Variants in TG observed in about 807,000 individuals in gnomAD.
The protein encoded by TG is thyroglobulin.
In TG, 270 loss-of-function variants were observed where a neutral mutation model predicts 324.7. The observed-to-expected ratio is 0.83, with a 90% CI of 0.75 to 0.92. The LOEUF (loss-of-function observed/expected upper bound fraction) is 0.92, where lower values mean the gene tolerates loss of function less well. Among genes scored for constraint, TG ranks in the 40% least tolerant of loss-of-function variants. The pLI is 0.00. For missense variants in TG, 3,591 were observed against 3,456.4 expected (o/e 1.04, Z -0.98); for synonymous variants, 1,401 against 1,327.0 (o/e 1.06, Z -1.21).
rs754301376 is a variant in TG at position 132,866,992 on chromosome 8, G to T, written c.-9G>T. The T allele has an allele frequency of 1.9e-6, 3 of 1,587,972 alleles. No individual in the cohort carries two copies. The African/African-American group carries it at 4.0e-5, about 21-fold the overall frequency. On this transcript the variant is annotated 5_prime_UTR_variant, in exon 1 of 48. Coordinates refer to ENST00000220616, the MANE Select transcript of TG (RefSeq NM_003235.5). ...TTTCTCCTCCTTCCTCCCAGGAAGGGCCAGGAAAATGGCCCTGGTCCTGGA... is the reference window on the plus strand; with the variant it reads ...TTTCTCCTCCTTCCTCCCAGGAAGGTCCAGGAAAATGGCCCTGGTCCTGGA...
Position 132,868,138 on chromosome 8 carries a change from C to T in TG, c.91C>T (p.Leu31Phe). Residue 31 changes from leucine to phenylalanine, a missense_variant, in exon 2 of 48, where the codon CTT becomes TTT. Leu to Phe is a conservative substitution (Grantham distance 22). Transcript: ENST00000220616. ...IFEYQVDAQP[L>F]RPCELQRETA... ...AGAGTACCAGGTGGATGCCCAGCCC[C>T]TTCGTCCCTGTGAGCTGCAGAGGGA... The T allele has an allele frequency of 6.2e-7, 1 of 1,614,188 alleles. No homozygotes were observed. The highest frequency in any genetic ancestry group is 1.6e-4 in the Middle Eastern group (1 of 6,062).
intron 27 of TG, among the ~76,000 whole-genome samples, chr8:132,954,709 G>A (rs1305673904): frequency 6.6e-6 from 1 of 152,162 alleles, no homozygotes; most frequent in Admixed American, 6.5e-5. Flanking sequence ...TGTTGCATAC[G>A]TCATTTCCAC....
At chr8:133,049,800 G>C in intron 41 of TG, 2 of 842,906 alleles carry the variant, frequency 2.4e-6, no homozygotes, top group Non-Finnish European at 4.1e-6. Flanking sequence ...TCTTGACCCA[G>C]TGCCTTCCTT....
intron 8 of TG, 93 bp downstream of exon 8, chr8:132,883,092 C>G (rs987333946): frequency 1.4e-6 from 2 of 1,423,708 alleles, no homozygotes; most frequent in Non-Finnish European, 9.6e-7. Context: ...ATTAATTCAA[C>G]TGCCTTCTAG....
chr8:132,869,420 CT>C (rs981168927), intron 2 of TG, among the ~76,000 whole-genome samples: 1 of 152,182 alleles, frequency 6.6e-6, no homozygotes, highest in African/African-American at 2.4e-5. Context: ...CTCATAATGC[CT>C]GAGGACACTT....
intron 11 of TG, among the ~76,000 whole-genome samples, chr8:132,896,572 C>T (rs752867033): frequency 4.6e-5 from 7 of 152,144 alleles, no homozygotes; most frequent in East Asian, 1.9e-4. Flanking sequence ...AGAGCTCAGG[C>T]GACAGTTCAT....
intron 44 of TG, among the ~76,000 whole-genome samples, chr8:133,114,103 C>T (rs1850495412): frequency 6.6e-6 from 1 of 152,156 alleles, no homozygotes; most frequent in Non-Finnish European, 1.5e-5. Context: ...TCAGCTGATT[C>T]CACCTTGCAG....
At chr8:132,967,742 C>A in intron 30 of TG, 52 bp from the exon 31 acceptor site, 1 of 1,599,168 alleles carries the variant, frequency 6.3e-7, no homozygotes, top group Non-Finnish European at 8.6e-7. Context: ...AGAGATTATT[C>A]TCCCCTGTAG....
chr8:133,021,941 G>A (rs747872083), intron 39 of TG, 50 bp from the exon 40 acceptor site: 5 of 1,612,632 alleles, frequency 3.1e-6, no homozygotes, highest in Non-Finnish European at 3.4e-6. Flanking sequence ...CCAAGCATGG[G>A]AAAGGTGCCC....
rs1823128631 is a variant in TG at position 132,933,631 on chromosome 8, C to A, written c.4887C>A (p.Phe1629Leu). 6.2e-7 allele frequency: 1 copy of A among 1,614,016 alleles called. No individual in the cohort carries two copies. Among genetic ancestry groups the A allele is most frequent in the Non-Finnish European group, 8.5e-7 (1 of 1,180,026 alleles). ...STTEPEISCDFYAWTSDNVAC... is the reference protein window; with the variant it reads ...STTEPEISCDLYAWTSDNVAC... ...CGGAGCCAGAGATTTCCTGTGATTT[C>A]TATGCTTGGACAAGTGACAATGTTG... The change falls in exon 24 of 48, where the codon TTC becomes TTA. Residue 1629 changes from phenylalanine (F) to leucine (L), a missense_variant. Phe to Leu is a conservative substitution (Grantham distance 22). Transcript: ENST00000220616.
chr8:133,046,107 A>G (rs1468656042), intron 41 of TG, among the ~76,000 whole-genome samples: 1 of 152,130 alleles, frequency 6.6e-6, no homozygotes, highest in Non-Finnish European at 1.5e-5. Flanking sequence ...ATGTGCCTCG[A>G]TTTCCTCAAA....
At chr8:133,057,607 C>T (rs1841683109) in intron 41 of TG, among the ~76,000 whole-genome samples, 1 of 152,112 alleles carries the variant, frequency 6.6e-6, no homozygotes, top group African/African-American at 2.4e-5. Flanking sequence ...CCTAAAGTCA[C>T]ACAGCTTCCA....
intron 12 of TG, 144 bp from the exon 13 acceptor site, chr8:132,898,025 A>G (rs1488100047): frequency 2.1e-6 from 2 of 934,066 alleles, no homozygotes; most frequent in Non-Finnish European, 3.4e-6. Flanking sequence ...GATTGTGGAC[A>G]ATGTCCGGCT....
At chr8:133,108,238 A>G (rs60371924) in intron 43 of TG, among the ~76,000 whole-genome samples, 43,676 of 151,516 alleles carry the variant, frequency 0.29, 6,574 homozygotes, top group African/African-American at 0.35. Flanking sequence ...TGCCTGCCTC[A>G]GCCTCCCAAA....
At chr8:133,121,906 C>T (rs1435799947) in intron 45 of TG, among the ~76,000 whole-genome samples, 1 of 152,142 alleles carries the variant, frequency 6.6e-6, no homozygotes, top group Non-Finnish European at 1.5e-5. Flanking sequence ...CTCACAGAAA[C>T]TAACTCATTT....
chr8:133,103,027 G>A (rs763495276), intron 43 of TG: 1 of 177,936 alleles, frequency 5.6e-6, no homozygotes, highest in Non-Finnish European at 1.2e-5. Context: ...AGTAAGAGGA[G>A]TATGCAGGAG....
intron 35 of TG, chr8:133,002,699 G>A (rs1833645689): frequency 1.3e-5 from 3 of 233,130 alleles, no homozygotes. Flanking sequence ...GCAAGCTGGC[G>A]CTTCAGTTGA....
At chr8:133,085,520 TAACTC>T (rs1846386789) in intron 41 of TG, among the ~76,000 whole-genome samples, 1 of 152,062 alleles carries the variant, frequency 6.6e-6, no homozygotes, top group African/African-American at 2.4e-5. Flanking sequence ...AAAAGACAGA[TAACTC>T]AATCTGAAAA....
chr8:133,128,349 A>ACACACACAC, intron 45 of TG, among the ~76,000 whole-genome samples: 1 of 146,006 alleles, frequency 6.8e-6, no homozygotes, highest in Non-Finnish European at 1.5e-5. Context: ...ACACACACAC[A>ACACACACAC]CACACACACA....
Sources: allele counts gnomAD v4.1 joint callset (sites outside exome capture counted in the v4.1 genomes callset), GRCh38; gene constraint gnomAD v4.1.1; transcripts MANE v1.5; gene names NCBI Gene and HGNC (gene_info 2026-07-23, HGNC 2026-07-21).